The following RAI14 variants were observed in gnomAD, a reference collection of about 807,000 sequenced individuals.
RAI14 encodes the protein retinoic acid induced 14.
Under a neutral mutation model 115.4 loss-of-function variants are expected in RAI14, and 45 were observed. The ratio of observed to expected loss-of-function variants is 0.39; its 90% CI spans 0.31 to 0.50. The LOEUF (loss-of-function observed/expected upper bound fraction) is 0.50. Among genes scored for constraint, RAI14 ranks in the 20% least tolerant of loss-of-function variants. The probability of loss-of-function intolerance (pLI) is 0.85; values close to 1 mark genes in which losing one functional copy is unlikely to be tolerated. For missense variants in RAI14, 939 were observed against 1,131.2 expected (o/e 0.83, Z 2.44); for synonymous variants, 371 against 415.4 (o/e 0.89, Z 1.30).
intron 5 of RAI14, among the ~76,000 whole-genome samples, chr5:34,804,653 C>T (rs1754653821): frequency 6.6e-6 from 1 of 152,218 alleles, no homozygotes; most frequent in Admixed American, 6.5e-5. Flanking sequence ...TTACATGATG[C>T]AAGCTATTGC....
At chr5:34,722,057 G>A (rs1386138415) in intron 2 of RAI14, among the ~76,000 whole-genome samples, 1 of 151,898 alleles carries the variant, frequency 6.6e-6, no homozygotes, top group Non-Finnish European at 1.5e-5. Flanking sequence ...TGTTCTTTTG[G>A]TGTCTCGCCC....
At chr5:34,681,741 T>C (rs1744395462) in intron 1 of RAI14, among the ~76,000 whole-genome samples, 1 of 151,910 alleles carries the variant, frequency 6.6e-6, no homozygotes, top group Non-Finnish European at 1.5e-5. Context: ...TCAAGCAGTC[T>C]TTCCACCTCA....
At chr5:34,732,822 T>C (rs1484651670) in intron 2 of RAI14, among the ~76,000 whole-genome samples, 1 of 149,722 alleles carries the variant, frequency 6.7e-6, no homozygotes, top group Non-Finnish European at 1.5e-5. Flanking sequence ...ATAATATGTA[T>C]ATATATTTTT....
intron 1 of RAI14, among the ~76,000 whole-genome samples, chr5:34,672,201 A>G (rs746622613): frequency 6.6e-6 from 1 of 152,206 alleles, no homozygotes; most frequent in Non-Finnish European, 1.5e-5. Flanking sequence ...CTGGGGTCCT[A>G]TGGTCCATAT....
At chr5:34,790,367 TTGTCTGATTTG>T (rs1752774503) in intron 3 of RAI14, among the ~76,000 whole-genome samples, 1 of 152,240 alleles carries the variant, frequency 6.6e-6, no homozygotes, top group Non-Finnish European at 1.5e-5. Context: ...AGTCATTTCG[TTGTCTGATTTG>T]TGCCTATTTC....
intron 1 of RAI14, chr5:34,684,658 C>G (rs1199849528): frequency 6.6e-6 from 1 of 152,160 alleles, no homozygotes; most frequent in Non-Finnish European, 1.5e-5. Context: ...TCAATGGCAG[C>G]AGCAAGAATG....
Position 34,814,459 on chromosome 5 carries a change from A to G in RAI14, c.853-124A>G. On this transcript the variant is annotated intron_variant, in intron 11 of 17. Transcript: ENST00000265109. ...AAATATTCTACCCGTGAATTAATTG[A>G]TGCCAAGGATACTTACTGTTAGATT... 14 of 672,516 alleles carry G rather than the reference A, an allele frequency of 2.1e-5. 1 individual carries two copies. In the South Asian group the frequency reaches 2.6e-4, roughly 13 times the overall value. 41.7% of individuals were successfully genotyped at this position (672,516 alleles called of 1,614,324 possible).
chr5:34,823,489 T>TA lies in RAI14; in HGVS notation c.1650dup (p.Glu551ArgfsTer20), dbSNP rs1757129545. On this transcript the variant is annotated frameshift_variant, in exon 15 of 18. Coordinates refer to ENST00000265109, the MANE Select transcript of RAI14 (RefSeq NM_015577.3). LOFTEE classifies it high-confidence loss of function. This position sits in a 1 kb window ranked among gnomAD's most constrained non-coding sequence, Gnocchi z 4.5. The stretch of plus-strand genomic sequence containing the variant: ...ATGCATTAGAAGAAAGTGAAAGAAA[T>TA]AAAGAGAAAGTGAGAGAGTTAGAGG... 1 of 1,613,152 alleles carries TA rather than the reference T, an allele frequency of 6.2e-7. No homozygotes were observed. Among genetic ancestry groups the TA allele is most frequent in the Non-Finnish European group, 8.5e-7 (1 of 1,179,852 alleles).
At chr5:34,814,107 AAT>A (rs1755907393) in intron 11 of RAI14, among the ~76,000 whole-genome samples, 1 of 152,226 alleles carries the variant, frequency 6.6e-6, no homozygotes. Context: ...AAGGTTGGCT[AAT>A]ATTAAAAGTA....
intron 3 of RAI14, among the ~76,000 whole-genome samples, chr5:34,763,153 T>C (rs1748904330): frequency 6.6e-6 from 1 of 152,206 alleles, no homozygotes; most frequent in African/African-American, 2.4e-5. Context: ...GCTGGTGGTT[T>C]GTTGCACATT....
chr5:34,794,275 C>T (rs999122373), intron 3 of RAI14, among the ~76,000 whole-genome samples: 21 of 151,928 alleles, frequency 1.4e-4, no homozygotes, highest in African/African-American at 4.4e-4. Context: ...ATACAAAAAT[C>T]AACTGGGTGT....
chr5:34,768,419 A>C (rs1056483736), intron 3 of RAI14, among the ~76,000 whole-genome samples: 1 of 152,212 alleles, frequency 6.6e-6, no homozygotes, highest in East Asian at 1.9e-4. Context: ...CAGTTTATTC[A>C]TTCAACTTAG....
intron 1 of RAI14, among the ~76,000 whole-genome samples, chr5:34,665,676 G>A (rs189505236): frequency 6.6e-6 from 1 of 152,106 alleles, no homozygotes; most frequent in Admixed American, 6.5e-5. Context: ...ATTTTTATCA[G>A]TCTCATGAGT....
intron 1 of RAI14, among the ~76,000 whole-genome samples, chr5:34,672,997 C>T (rs1579869491): frequency 6.6e-6 from 1 of 152,132 alleles, no homozygotes; most frequent in Non-Finnish European, 1.5e-5. Flanking sequence ...GGAGTCAAGT[C>T]CCAGGAGAGC....
chr5:34,685,717 A>T (rs917918092), intron 1 of RAI14: 1 of 152,216 alleles, frequency 6.6e-6, no homozygotes, highest in Non-Finnish European at 1.5e-5. Flanking sequence ...CTTCTGTGAA[A>T]TGAGGCACTT....
chr5:34,776,906 T>C (rs1336701006), intron 3 of RAI14, among the ~76,000 whole-genome samples: 1 of 151,808 alleles, frequency 6.6e-6, no homozygotes, highest in East Asian at 1.9e-4. Context: ...CAGTGGCTCA[T>C]GCCTGTAATC....
chr5:34,716,671 C>T (rs949535492), intron 2 of RAI14: 1 of 152,236 alleles, frequency 6.6e-6, no homozygotes, highest in African/African-American at 2.4e-5. Flanking sequence ...CCTCAGCCTC[C>T]CAAAGTGTTG....
At chr5:34,763,333 C>T (rs552398971) in intron 3 of RAI14, among the ~76,000 whole-genome samples, 1 of 152,330 alleles carries the variant, frequency 6.6e-6, no homozygotes, top group South Asian at 2.1e-4. Context: ...ATTGCAGCCT[C>T]CTACCTTCCC....
At chr5:34,760,867 AC>A (rs1003790111) in intron 3 of RAI14, among the ~76,000 whole-genome samples, 67 of 152,118 alleles carry the variant, frequency 4.4e-4, no homozygotes, top group African/African-American at 1.6e-3. Flanking sequence ...CCCAAAGAAA[AC>A]CCCGAACCCA....
Sources: allele counts gnomAD v4.1 joint callset (sites outside exome capture counted in the v4.1 genomes callset), GRCh38; gene constraint gnomAD v4.1.1; non-coding constraint Gnocchi (gnomAD v3.1); transcripts MANE v1.5; gene names NCBI Gene and HGNC (gene_info 2026-07-23, HGNC 2026-07-21).